The following NCKAP5 variants were observed in gnomAD, a reference collection of about 807,000 sequenced individuals.
NCKAP5 encodes the protein NCK associated protein 5, also known as nck-associated protein 5.
NCKAP5 carries 92 observed loss-of-function variants against 167.0 expected under a neutral mutation model. The ratio of observed to expected loss-of-function variants is 0.55; its 90% CI spans 0.47 to 0.66. The LOEUF is 0.66. Ranked by LOEUF, NCKAP5 falls within the 30% of genes least tolerant of loss-of-function variation. The pLI is 0.00. For synonymous variants in NCKAP5, 891 were observed against 877.4 expected (o/e 1.02, Z -0.27); for missense variants, 2,378 against 2,315.0 (o/e 1.03, Z -0.56).
rs776283256 is a variant in NCKAP5, at chr2:133,568,302, C to T, written c.-216G>A. On this transcript the variant is annotated 5_prime_UTR_variant, in exon 1 of 20. Coordinates refer to ENST00000409261, the MANE Select transcript of NCKAP5 (RefSeq NM_207363.3). ...CTCTCTCCAGCTAAAAATTTCCTCC[C>T]GCGGTTGGTTATCCTCTGTTTATTT... is the stretch of plus-strand genomic sequence containing the variant. 1.3e-5 allele frequency: 2 copies of T among 152,208 alleles called. No homozygotes were observed. The highest frequency in any genetic ancestry group is 4.8e-5 in the African/African-American group (2 of 41,446). The allele number at this position is 152,208 out of a possible 1,614,324, so 9.4% of individuals were successfully genotyped here.
intron 4 of NCKAP5, among the ~76,000 whole-genome samples, chr2:133,219,222 A>C (rs769075806): frequency 6.6e-6 from 1 of 152,208 alleles, no homozygotes; most frequent in Admixed American, 6.5e-5. Context: ...AGTGTAGGCC[A>C]CAGGGGAGGC....
intron 5 of NCKAP5, among the ~76,000 whole-genome samples, chr2:133,207,588 T>C (rs2086010997): frequency 1.3e-5 from 2 of 151,914 alleles, no homozygotes; most frequent in South Asian, 4.2e-4. Flanking sequence ...ATACCCAAGA[T>C]AAGCCTGGAG....
At chr2:133,444,070 G>C (rs1366238505) in intron 3 of NCKAP5, among the ~76,000 whole-genome samples, 1 of 151,812 alleles carries the variant, frequency 6.6e-6, no homozygotes, top group African/African-American at 2.4e-5. Context: ...TCAGTTTGCT[G>C]TATTGTCTAA....
At chr2:133,478,203 T>G (rs78262512) in intron 3 of NCKAP5, among the ~76,000 whole-genome samples, 3,965 of 152,324 alleles carry the variant, frequency 0.026, 64 homozygotes, top group Non-Finnish European at 0.038. Context: ...GAATCTCACC[T>G]GGTTCCAATC....
At chr2:132,943,067 G>C (rs1453745335) in intron 8 of NCKAP5, among the ~76,000 whole-genome samples, 6 of 152,146 alleles carry the variant, frequency 3.9e-5, no homozygotes, top group African/African-American at 1.4e-4. Flanking sequence ...AAGAGGTTCT[G>C]GGACTTTAAA....
At chr2:133,065,151 A>C (rs1343910578) in intron 6 of NCKAP5, among the ~76,000 whole-genome samples, 1 of 152,234 alleles carries the variant, frequency 6.6e-6, no homozygotes, top group African/African-American at 2.4e-5. Context: ...GAAACATCTC[A>C]TAAGTCCACA....
At chr2:132,884,188 A>G (rs993268398) in intron 8 of NCKAP5, among the ~76,000 whole-genome samples, 2 of 152,222 alleles carry the variant, frequency 1.3e-5, no homozygotes, top group African/African-American at 4.8e-5. Flanking sequence ...ACGTTCTTTC[A>G]GGTCTCATAA....
At chr2:133,505,402 AT>A (rs769304101) in intron 3 of NCKAP5, among the ~76,000 whole-genome samples, 1 of 152,088 alleles carries the variant, frequency 6.6e-6, no homozygotes, top group Non-Finnish European at 1.5e-5. Context: ...CCAAACATTA[AT>A]AAAAATCTTT....
At chr2:133,521,273 G>A (rs1684450339) in intron 2 of NCKAP5, among the ~76,000 whole-genome samples, 2 of 152,192 alleles carry the variant, frequency 1.3e-5, no homozygotes, top group African/African-American at 4.8e-5. Flanking sequence ...TCAGAGACTA[G>A]TGTCATCAAG....
Position 132,785,436 on chromosome 2 carries a change from T to C in NCKAP5, c.1375A>G (p.Ser459Gly), listed in dbSNP as rs751068487. 2.8e-5 allele frequency: 45 copies of C among 1,613,668 alleles called. No homozygotes were observed. Among genetic ancestry groups the C allele is most frequent in the Non-Finnish European group, 3.4e-6 (4 of 1,179,806 alleles). ...YPPCKTADLG[S>G]PCKEPHKTFV... ...GTCTTGTGGGGTTCCTTGCAGGGGC[T>C]CCCCAGGTCAGCTGTTTTGCAGGGG... Residue 459 changes from serine (S) to glycine (G), a missense_variant, in exon 14 of 20, where the codon AGC (serine) becomes GGC (glycine). Transcript: ENST00000409261.
At chr2:132,817,062 T>G (rs997000569) in intron 11 of NCKAP5, among the ~76,000 whole-genome samples, 1 of 152,220 alleles carries the variant, frequency 6.6e-6, no homozygotes, top group African/African-American at 2.4e-5. Context: ...TGAAAATCCT[T>G]AAACAACTTC....
the NCKAP5 span, among the ~76,000 whole-genome samples, chr2:133,581,787 C>G: frequency 6.6e-6 from 1 of 152,220 alleles, no homozygotes; most frequent in Non-Finnish European, 1.5e-5. Context: ...TGAAATGGAG[C>G]TGAAAGTTCA....
chr2:133,467,858 C>T (rs1336307563), intron 3 of NCKAP5, among the ~76,000 whole-genome samples: 2 of 134,458 alleles, frequency 1.5e-5, no homozygotes, highest in African/African-American at 2.9e-5. Context: ...GTGGTGATAT[C>T]CCCTTTATCA....
chr2:133,342,206 G>T (rs1204997766), intron 3 of NCKAP5, among the ~76,000 whole-genome samples: 2 of 152,030 alleles, frequency 1.3e-5, no homozygotes, highest in Non-Finnish European at 2.9e-5. Context: ...CCCAAAGTGG[G>T]ATCTAAACAT....
chr2:133,261,883 GAATGCCAATGT>G (rs1272569649), intron 4 of NCKAP5, among the ~76,000 whole-genome samples: 3 of 152,086 alleles, frequency 2.0e-5, no homozygotes, highest in Non-Finnish European at 4.4e-5. Flanking sequence ...TAATACCCAG[GAATGCCAATGT>G]AATGCCAATG....
At chr2:133,637,247 G>T in the NCKAP5 span, among the ~76,000 whole-genome samples, 2 of 150,918 alleles carry the variant, frequency 1.3e-5, no homozygotes, top group African/African-American at 4.9e-5. Flanking sequence ...CAAACATTAG[G>T]GTTTGGAAAG....
At chr2:133,139,966 T>C (rs1229155100) in intron 5 of NCKAP5, among the ~76,000 whole-genome samples, 1 of 152,206 alleles carries the variant, frequency 6.6e-6, no homozygotes, top group Non-Finnish European at 1.5e-5. Flanking sequence ...TACCCGAATC[T>C]TTTCCTTGAG....
At chr2:133,288,186 G>A (rs898200836) in intron 4 of NCKAP5, among the ~76,000 whole-genome samples, 1 of 152,156 alleles carries the variant, frequency 6.6e-6, no homozygotes, top group Admixed American at 6.5e-5. Context: ...CAGAAGAAAT[G>A]TTTTTTGATA....
intron 11 of NCKAP5, among the ~76,000 whole-genome samples, chr2:132,832,638 G>T (rs1021932609): frequency 3.3e-5 from 5 of 152,030 alleles, no homozygotes; most frequent in African/African-American, 1.2e-4. Flanking sequence ...TCTGTGTCTG[G>T]CTTGCTTCAC....
Sources: gnomAD v4.1 joint callset for allele counts (sites outside exome capture counted in the v4.1 genomes callset) on GRCh38, gnomAD v4.1.1 for gene constraint, MANE v1.5 for transcripts, NCBI Gene and HGNC (gene_info 2026-07-23, HGNC 2026-07-21) for gene names.